RERG: variants seen among roughly 807,000 people sequenced by gnomAD.
The protein encoded by RERG is ras-related and estrogen-regulated growth inhibitor.
Under a neutral mutation model 23.2 loss-of-function variants are expected in RERG, and 25 were observed. That is an observed-to-expected ratio of 1.08 (90% CI 0.79 to 1.50). The LOEUF (loss-of-function observed/expected upper bound fraction) is 1.50. RERG is among the 40% of genes most tolerant of loss of function. The probability of loss-of-function intolerance (pLI) is 0.00; values close to 1 mark genes in which losing one functional copy is unlikely to be tolerated. For missense variants in RERG, 253 were observed against 250.1 expected, an observed-to-expected ratio of 1.01 and a Z score of -0.08; for synonymous variants, 81 against 89.1, an observed-to-expected ratio of 0.91 and a Z score of 0.51.
chr12:15,221,158 C>T (rs1031134486), intron 1 of RERG, 37 bp downstream of exon 1: 2 of 152,238 alleles, frequency 1.3e-5, no homozygotes, highest in African/African-American at 4.8e-5. Context: ...AGGAAGTCGT[C>T]CCGAAAGAGC....
At chr12:15,168,215 T>C (rs1040618991) in intron 2 of RERG, among the ~76,000 whole-genome samples, 3 of 152,242 alleles carry the variant, frequency 2.0e-5, no homozygotes, top group African/African-American at 7.2e-5. Context: ...TGTGGTCCCC[T>C]GCAGCTTTAA....
chr12:15,220,005 G>A (rs949099026), intron 1 of RERG, among the ~76,000 whole-genome samples: 1 of 152,146 alleles, frequency 6.6e-6, no homozygotes, highest in Non-Finnish European at 1.5e-5. Flanking sequence ...ATCACTTAAA[G>A]GAAGACACAA....
intron 2 of RERG, among the ~76,000 whole-genome samples, chr12:15,159,453 G>C (rs1864572095): frequency 1.3e-5 from 2 of 152,230 alleles, no homozygotes; most frequent in Non-Finnish European, 2.9e-5. Flanking sequence ...CATTGTATTT[G>C]GCCTCTCAGG....
intron 2 of RERG, among the ~76,000 whole-genome samples, chr12:15,150,281 TAAAC>T (rs1480448971): frequency 3.3e-5 from 5 of 152,284 alleles, no homozygotes; most frequent in African/African-American, 4.8e-5. Context: ...CAATACAAAT[TAAAC>T]AAACAAGCAA....
intron 2 of RERG, among the ~76,000 whole-genome samples, chr12:15,215,983 T>C (rs548986275): frequency 5.3e-5 from 8 of 152,336 alleles, no homozygotes; most frequent in African/African-American, 1.9e-4. Context: ...TTAAAAAATC[T>C]CCTTCCCTTA....
At chr12:15,179,593 A>G (rs973892689) in intron 2 of RERG, among the ~76,000 whole-genome samples, 24 of 152,202 alleles carry the variant, frequency 1.6e-4, no homozygotes, top group African/African-American at 5.1e-4. Flanking sequence ...TTTAGGTTAT[A>G]TCTTTCCCCC....
chr12:15,137,516 TCTC>T (rs1455767691), intron 2 of RERG, among the ~76,000 whole-genome samples: 1 of 151,910 alleles, frequency 6.6e-6, no homozygotes, highest in Admixed American at 6.6e-5. Context: ...TTCTATTTTC[TCTC>T]CTTTTTTATT....
intron 2 of RERG, among the ~76,000 whole-genome samples, chr12:15,200,804 A>G (rs574341737): frequency 9.2e-5 from 14 of 151,996 alleles, no homozygotes; most frequent in African/African-American, 3.1e-4. Context: ...TTGTGTTTTT[A>G]AAAGGCTTCT....
intron 2 of RERG, among the ~76,000 whole-genome samples, chr12:15,191,522 G>A (rs149767624): frequency 7.2e-4 from 109 of 152,074 alleles, no homozygotes; most frequent in African/African-American, 2.4e-3. Flanking sequence ...AGCTGCCATC[G>A]TATTTAGGTT....
At chr12:15,179,886 CA>C (rs1168335113) in intron 2 of RERG, among the ~76,000 whole-genome samples, 1 of 152,176 alleles carries the variant, frequency 6.6e-6, no homozygotes, top group Non-Finnish European at 1.5e-5. Context: ...CTGGACTTTC[CA>C]TGAAGCACAT....
At chr12:15,219,070 C>T (rs1487900594) in intron 1 of RERG, among the ~76,000 whole-genome samples, 1 of 152,146 alleles carries the variant, frequency 6.6e-6, no homozygotes, top group East Asian at 1.9e-4. Flanking sequence ...CAATCAATGG[C>T]TTAAACCTAA....
rs1466441633 is a variant in RERG at position 15,109,180 on chromosome 12, G to A, written c.530C>T (p.Thr177Met). ...ATGCGTGGTGGAGCTGCGTCGCCTC[G>A]TCTTGCCCTGCACCATCCTCCGGCG... is the stretch of plus-strand genomic sequence containing the variant. ...VRRRRMVQGK[T>M]RRRSSTTHVK... is the part of the protein sequence containing the mutation. The change falls in exon 5 of 5, where the codon ACG becomes ATG. Residue 177 changes from threonine to methionine, a missense_variant. Thr to Met is a moderately conservative substitution (Grantham distance 81, BLOSUM62 -1). Transcript: ENST00000256953. The A allele has an allele frequency of 3.1e-6, 5 of 1,613,430 alleles. No individual in the cohort carries two copies. The South Asian group carries it at 3.3e-5, about 11-fold the overall frequency.
At chr12:15,136,694 G>T (rs1268807536) in intron 2 of RERG, among the ~76,000 whole-genome samples, 2 of 151,912 alleles carry the variant, frequency 1.3e-5, no homozygotes, top group Non-Finnish European at 2.9e-5. Context: ...CTTCAAGTAT[G>T]TTGGGATTTT....
chr12:15,207,556 C>A (rs942509164), intron 2 of RERG, among the ~76,000 whole-genome samples: 1 of 152,124 alleles, frequency 6.6e-6, no homozygotes, highest in Admixed American at 6.5e-5. Context: ...GATGCCTCAG[C>A]AGAAGCAAAG....
At chr12:15,111,281 AT>A (rs1383003709) in intron 4 of RERG, 62 bp downstream of exon 4, 2 of 1,327,276 alleles carry the variant, frequency 1.5e-6, no homozygotes, top group Non-Finnish European at 2.1e-6. Context: ...ATTTTTGTTC[AT>A]AGCATAGATT....
At chr12:15,172,336 A>G (rs1284384283) in intron 2 of RERG, among the ~76,000 whole-genome samples, 2 of 152,172 alleles carry the variant, frequency 1.3e-5, no homozygotes, top group African/African-American at 4.8e-5. Context: ...ACTGAATAAT[A>G]TTCCATTATA....
chr12:15,133,092 C>G (rs1004262496), intron 2 of RERG, among the ~76,000 whole-genome samples: 3 of 136,288 alleles, frequency 2.2e-5, no homozygotes, highest in Non-Finnish European at 4.6e-5. Context: ...ATTATTATTA[C>G]CAAAGTCCAT....
chr12:15,201,327 A>T (rs1865211609), intron 2 of RERG, among the ~76,000 whole-genome samples: 2 of 151,964 alleles, frequency 1.3e-5, no homozygotes, highest in South Asian at 4.1e-4. Context: ...CACCAGAGCC[A>T]AATTGCCTGA....
intron 3 of RERG, among the ~76,000 whole-genome samples, chr12:15,117,356 G>C (rs910818810): frequency 6.6e-6 from 1 of 152,094 alleles, no homozygotes; most frequent in Non-Finnish European, 1.5e-5. Context: ...TAAGCTCCTT[G>C]CAGTGCCAAT....
Sources: gnomAD v4.1 joint callset for allele counts (sites outside exome capture counted in the v4.1 genomes callset) on GRCh38, gnomAD v4.1.1 for gene constraint, MANE v1.5 for transcripts, NCBI Gene and HGNC (gene_info 2026-07-23, HGNC 2026-07-21) for gene names.